CLK2: variants seen among roughly 807,000 people sequenced by gnomAD.
The protein encoded by CLK2 is CDC like kinase 2.
CLK2 carries 12 observed loss-of-function variants against 73.5 expected under a neutral mutation model. That is an observed-to-expected ratio of 0.16 (90% CI 0.10 to 0.26). CLK2 has a LOEUF of 0.26. CLK2 is among the 10% of genes least tolerant of loss of function. The probability of loss-of-function intolerance (pLI) is 1.00; values close to 1 mark genes in which losing one functional copy is unlikely to be tolerated. For synonymous variants in CLK2, 232 were observed against 237.9 expected (o/e 0.98, Z 0.23); for missense variants, 509 against 688.4 (o/e 0.74, Z 2.92).
Position 155,266,327 on chromosome 1 carries a change from A to T in CLK2, c.839-373T>A, listed in dbSNP as rs140091931. ...CCACCTTGCCCCTTAGCTGAACTAC[A>T]TACTCTGTGTTCCCATCTCCTTTGC... On this transcript the variant is annotated intron_variant, in intron 7 of 12. Coordinates refer to ENST00000368361, the MANE Select transcript of CLK2 (RefSeq NM_001294338.2). Among the ~76,000 whole-genome samples the T allele has an allele frequency of 1.7e-3, 262 of 152,328 alleles. 2 individuals are homozygous for T. The highest frequency in any genetic ancestry group is 3.3e-3 in the Non-Finnish European group (226 of 68,028).
In CLK2 at chr1:155,264,563, G is replaced by A. The variant is rs1230458146; in HGVS notation, c.1064-13C>T. On this transcript the variant is annotated splice_polypyrimidine_tract_variant and intron_variant, in intron 9 of 12. Coordinates refer to ENST00000368361, the MANE Select transcript of CLK2 (RefSeq NM_001294338.2). Reference sequence around the variant, plus strand: ...GACCAGCCCAACTCTGGGTGAGAATGGGAGGGAAAAGGTGTTATGAGGCTT... The same window carrying A: ...GACCAGCCCAACTCTGGGTGAGAATAGGAGGGAAAAGGTGTTATGAGGCTT... 1.9e-6 allele frequency: 3 copies of A among 1,614,230 alleles called. No homozygotes were observed. Among genetic ancestry groups the A allele is most frequent in the Admixed American group, 3.3e-5 (2 of 60,026 alleles).
At chr1:155,272,120 G>A (rs1293384835) in intron 1 of CLK2, among the ~76,000 whole-genome samples, 7 of 151,706 alleles carry the variant, frequency 4.6e-5, no homozygotes, top group Middle Eastern at 3.4e-3. Flanking sequence ...GGGTTCAAGC[G>A]ATTCTCCTGC....
intron 10 of CLK2, 78 bp downstream of exon 10, chr1:155,264,390 T>G: frequency 6.3e-7 from 1 of 1,595,140 alleles, no homozygotes; most frequent in South Asian, 1.1e-5. Flanking sequence ...GAGAACTGAG[T>G]AGGCAGGTCC....
intron 6 of CLK2, 77 bp downstream of exon 6, chr1:155,267,933 C>T: frequency 1.0e-6 from 1 of 994,572 alleles, no homozygotes; most frequent in Non-Finnish European, 1.6e-6. Flanking sequence ...CCCTGTCTGC[C>T]TAAACCAGGT....
intron 8 of CLK2, among the ~76,000 whole-genome samples, chr1:155,265,305 A>C (rs1200585237): frequency 2.6e-5 from 4 of 152,050 alleles, no homozygotes; most frequent in African/African-American, 4.8e-5. Flanking sequence ...TGTGGCTCAC[A>C]CCCGTAATCC....
In CLK2 at chr1:155,268,508, G is replaced by GT; in HGVS notation, c.488-150dup. 3.9e-6 allele frequency: 3 copies of GT among 776,980 alleles called. No homozygotes were observed. The South Asian group carries it at 4.7e-5, about 12-fold the overall frequency. The allele number at this position is 776,980 out of a possible 1,614,324, so 48.1% of individuals were successfully genotyped here. A position where few individuals can be genotyped will look rare whatever the true frequency, so the allele number is the denominator to read the frequency against. ...GGTCACAGGGGAAGAAAACCCCTGC[G>GT]TGATTCCCACCACCTTTAACCCAGG... is the stretch of plus-strand genomic sequence containing the variant. On this transcript the variant is annotated intron_variant, in intron 4 of 12. Transcript: ENST00000368361. This position sits in a 1 kb window ranked among gnomAD's most constrained non-coding sequence, Gnocchi z 5.6.
intron 8 of CLK2, among the ~76,000 whole-genome samples, chr1:155,265,502 G>A (rs1466721700): frequency 6.6e-6 from 1 of 151,994 alleles, no homozygotes; most frequent in Non-Finnish European, 1.5e-5. Context: ...GGGAGGTAGA[G>A]GTTGCAGTGA....
Position 155,266,632 on chromosome 1 carries a change from A to G in CLK2, c.838+97T>C, listed in dbSNP as rs1467017203. 4 of 1,301,230 alleles carry G rather than the reference A, an allele frequency of 3.1e-6. No homozygotes were observed. In the East Asian group the frequency reaches 1.0e-4, roughly 33 times the overall value. The allele number at this position is 1,301,230 out of a possible 1,614,324, so 80.6% of individuals were successfully genotyped here. A position where few individuals can be genotyped will look rare whatever the true frequency, so the allele number is the denominator to read the frequency against. On this transcript the variant is annotated intron_variant, in intron 7 of 12. Transcript: ENST00000368361. The stretch of plus-strand genomic sequence containing the variant: ...AATCAAAGAACTGCAGATAACAGAC[A>G]GCTGACTGTTTAGGGGCTTCACCAG...
At position 155,263,493 on chromosome 1, in the gene CLK2, C is replaced by G. The variant is rs1315366798; in HGVS notation, c.1318-93G>C. 7 of 1,513,902 alleles carry G rather than the reference C, an allele frequency of 4.6e-6. No homozygotes were observed. The Admixed American group carries it at 1.5e-4, about 33-fold the overall frequency. 93.8% of individuals were successfully genotyped at this position (1,513,902 alleles called of 1,614,324 possible). A position where few individuals can be genotyped will look rare whatever the true frequency, so the allele number is the denominator to read the frequency against. On this transcript the variant is annotated intron_variant, in intron 12 of 12. Transcript: ENST00000368361. Reference sequence around the variant, plus strand: ...ACCTTTCATTCTTGGAGAACCAAGGCTCTGCTTGCAACCAATTTGAAGGCT... The same window carrying G: ...ACCTTTCATTCTTGGAGAACCAAGGGTCTGCTTGCAACCAATTTGAAGGCT...
intron 8 of CLK2, 32 bp from the exon 9 acceptor site, chr1:155,264,806 T>C (rs1455480295): frequency 1.2e-6 from 2 of 1,610,412 alleles, no homozygotes; most frequent in Non-Finnish European, 1.7e-6. Flanking sequence ...GATGAACCTC[T>C]GCACCCAGAC....
rs556078697 is a variant in CLK2 at position 155,268,508 on chromosome 1, G to A, written c.488-149C>T. The stretch of plus-strand genomic sequence containing the variant: ...GGTCACAGGGGAAGAAAACCCCTGC[G>A]TGATTCCCACCACCTTTAACCCAGG... On this transcript the variant is annotated intron_variant, in intron 4 of 12. Coordinates refer to ENST00000368361, the MANE Select transcript of CLK2 (RefSeq NM_001294338.2). This position sits in a 1 kb window ranked among gnomAD's most constrained non-coding sequence, Gnocchi z 5.6. 6.4e-6 allele frequency: 5 copies of A among 776,978 alleles called. No individual in the cohort carries two copies. The highest frequency in any genetic ancestry group is 4.7e-5 in the South Asian group (3 of 63,886). The allele number at this position is 776,978 out of a possible 1,614,324, so 48.1% of individuals were successfully genotyped here.
intron 3 of CLK2, 84 bp downstream of exon 3, chr1:155,269,404 G>A (rs1673386664): frequency 4.9e-6 from 6 of 1,236,502 alleles, no homozygotes; most frequent in Non-Finnish European, 5.9e-6. Flanking sequence ...ATGTTCAGCT[G>A]AGAACAAGGA....
At position 155,268,899 on chromosome 1, in the gene CLK2, A is replaced by G; in HGVS notation, c.400-104T>C. 2 of 700,752 alleles carry G rather than the reference A, an allele frequency of 2.9e-6. No individual in the cohort carries two copies. Among genetic ancestry groups the G allele is most frequent in the Admixed American group, 2.0e-5 (1 of 49,180 alleles). The allele number at this position is 700,752 out of a possible 1,614,324, so 43.4% of individuals were successfully genotyped here. ...GGTCACCGGTCACAGGCGCCCAGCC[A>G]GGGGGGACAGACGATGATGGGGGAC... is the stretch of plus-strand genomic sequence containing the variant. On this transcript the variant is annotated intron_variant, in intron 3 of 12. Transcript: ENST00000368361. This position sits in a 1 kb window ranked among gnomAD's most constrained non-coding sequence, Gnocchi z 5.6.
intron 7 of CLK2, 26 bp from the exon 8 acceptor site, chr1:155,265,980 C>T (rs1388009544): frequency 6.5e-7 from 1 of 1,547,700 alleles, no homozygotes; most frequent in Non-Finnish European, 8.9e-7. Flanking sequence ...CCAGGTCAGG[C>T]TTGGTGCAGG....
intron 3 of CLK2, 35 bp downstream of exon 3, chr1:155,269,451 AAG>A: frequency 6.3e-7 from 1 of 1,576,474 alleles, no homozygotes; most frequent in East Asian, 2.2e-5. Context: ...GGGCCTGCAG[AAG>A]AGTGGGGAGA....
In CLK2 at chr1:155,264,500, A is replaced by T. The variant is rs1178889023; in HGVS notation, c.1114T>A (p.Phe372Ile). 6.2e-7 allele frequency: 1 copy of T among 1,614,118 alleles called. No individual in the cohort carries two copies. Among genetic ancestry groups the T allele is most frequent in the Non-Finnish European group, 8.5e-7 (1 of 1,180,050 alleles). The change falls in exon 10 of 13, where the codon TTT becomes ATT. Residue 372 changes from phenylalanine to isoleucine, a missense_variant. By Grantham distance (21) the Phe-to-Ile change is conservative (BLOSUM62 0). Around this residue, in one of 6 missense-constraint regions of CLK2, gnomAD observed 48 missense variants for 144.9 expected, o/e 0.33. Transcript: ENST00000368361. ...CDVWSIGCII[F>I]EYYVGFTLFQ... ...AGGGTGAATCCCACATAGTATTCAA[A>T]GATGATGCAGCCTATACTCCACACA...
At chr1:155,267,343 G>A (rs1003818520) in intron 6 of CLK2, among the ~76,000 whole-genome samples, 5 of 152,222 alleles carry the variant, frequency 3.3e-5, no homozygotes, top group African/African-American at 9.6e-5. Flanking sequence ...CACCCGCCTC[G>A]GCCTCCAAAG....
chr1:155,272,831 A>T, intron 1 of CLK2, among the ~76,000 whole-genome samples: 1 of 152,296 alleles, frequency 6.6e-6, no homozygotes. Flanking sequence ...TTACTCAGAA[A>T]ATCCAGAACT....
At chr1:155,264,955 G>A (rs1457958088) in intron 8 of CLK2, among the ~76,000 whole-genome samples, 181 bp from the exon 9 acceptor site, 1 of 152,168 alleles carries the variant, frequency 6.6e-6, no homozygotes, top group South Asian at 2.1e-4. Context: ...TAGAAGTAGG[G>A]GAGCAAAAGG....
Sources: allele counts gnomAD v4.1 joint callset (sites outside exome capture counted in the v4.1 genomes callset), GRCh38; gene constraint gnomAD v4.1.1; regional missense constraint gnomAD v4.1.1; non-coding constraint Gnocchi (gnomAD v3.1); transcripts MANE v1.5; gene names NCBI Gene and HGNC (gene_info 2026-07-23, HGNC 2026-07-21).